The following NSD1 variants were observed in gnomAD, a reference collection of about 807,000 sequenced individuals.
The protein encoded by NSD1 is histone-lysine N-methyltransferase, H3 lysine-36 specific.
A neutral mutation model predicts 242.7 loss-of-function variants in NSD1; 26 were observed. The observed-to-expected ratio is 0.11, with a 90% CI of 0.08 to 0.15. The LOEUF (loss-of-function observed/expected upper bound fraction) is 0.15. Among genes scored for constraint, NSD1 ranks in the 10% least tolerant of loss-of-function variants. The pLI, the probability that NSD1 is intolerant of heterozygous loss-of-function variation, is 1.00. For synonymous variants in NSD1, 1,106 were observed against 1,178.1 expected, an observed-to-expected ratio of 0.94 and a Z score of 1.25; for missense variants, 2,495 against 3,272.8, an observed-to-expected ratio of 0.76 and a Z score of 5.80.
At chr5:177,195,793 A>G (rs1426059954) in intron 3 of NSD1, among the ~76,000 whole-genome samples, 3 of 152,280 alleles carry the variant, frequency 2.0e-5, no homozygotes, top group Non-Finnish European at 2.9e-5. Flanking sequence ...TCTTATGCAT[A>G]CTAGTTGAGT....
chr5:177,259,032 G>A lies in NSD1; in HGVS notation c.4967-957G>A, dbSNP rs145110321. 7.9e-3 allele frequency among the ~76,000 whole-genome samples: 1,201 copies of A among 151,314 alleles called. 19 individuals carry two copies. The highest frequency in any genetic ancestry group is 0.025 in the African/African-American group (1,013 of 41,142). On this transcript the variant is annotated intron_variant, in intron 13 of 22. Transcript: ENST00000439151. ...ATATTTTTAGTATAGACGGGGTTTCGCCATGTTGGCCAGACTGTTCTGGAA... is the reference window on the plus strand; with the variant it reads ...ATATTTTTAGTATAGACGGGGTTTCACCATGTTGGCCAGACTGTTCTGGAA...
At chr5:177,150,290 C>T (rs1380560228) in intron 2 of NSD1, among the ~76,000 whole-genome samples, 1 of 152,042 alleles carries the variant, frequency 6.6e-6, no homozygotes, top group African/African-American at 2.4e-5. Flanking sequence ...CCCGCCACGA[C>T]GCCTGGCTTT....
upstream of NSD1, chr5:177,133,084 G>A (rs1449765167): frequency 6.5e-6 from 1 of 153,206 alleles, no homozygotes; most frequent in African/African-American, 2.4e-5. This position sits in a 1 kb window ranked among gnomAD's most constrained non-coding sequence, Gnocchi z 6.2. Context: ...GGTGCGGCCG[G>A]GTAGGGGGTT....
At chr5:177,154,560 A>G (rs1331161045) in intron 2 of NSD1, among the ~76,000 whole-genome samples, 1 of 152,098 alleles carries the variant, frequency 6.6e-6, no homozygotes, top group Admixed American at 6.6e-5. Flanking sequence ...ACGCACCTCC[A>G]ATTCTTGTGC....
chr5:177,195,684 G>T (rs1456620751), intron 3 of NSD1, among the ~76,000 whole-genome samples: 1 of 152,064 alleles, frequency 6.6e-6, no homozygotes, highest in East Asian at 1.9e-4. Flanking sequence ...GCCCAGGCTG[G>T]TCTGAAACTC....
At chr5:177,285,582 A>AG (rs1301170707) in intron 20 of NSD1, among the ~76,000 whole-genome samples, 1 of 149,598 alleles carries the variant, frequency 6.7e-6, no homozygotes, top group African/African-American at 2.5e-5. Flanking sequence ...AAAAAAAAAA[A>AG]AAAAATTTGT....
intron 2 of NSD1, among the ~76,000 whole-genome samples, chr5:177,142,295 C>T (rs1756889729): frequency 6.6e-6 from 1 of 151,712 alleles, no homozygotes. Flanking sequence ...CAGGCACTGC[C>T]AGTATAATAA....
At chr5:177,234,494 A>G (rs995679577) in intron 5 of NSD1, among the ~76,000 whole-genome samples, 2 of 152,222 alleles carry the variant, frequency 1.3e-5, no homozygotes, top group Admixed American at 1.3e-4. Flanking sequence ...AGGCGGGCAG[A>G]TCACTTGAGG....
intron 2 of NSD1, among the ~76,000 whole-genome samples, chr5:177,188,509 A>AT (rs34788039): frequency 0.17 from 25,617 of 152,156 alleles, 2,542 homozygotes; most frequent in East Asian, 0.51. Flanking sequence ...TGTACCATCA[A>AT]TTAATGAAAC....
chr5:177,247,842 G>C, intron 10 of NSD1: 3 of 815,342 alleles, frequency 3.7e-6, no homozygotes, highest in Non-Finnish European at 4.4e-6. Flanking sequence ...GAATGCCCAA[G>C]AGGGGCATTA....
At chr5:177,148,888 G>C (rs1447497193) in intron 2 of NSD1, among the ~76,000 whole-genome samples, 1 of 152,128 alleles carries the variant, frequency 6.6e-6, no homozygotes, top group Non-Finnish European at 1.5e-5. Flanking sequence ...GCACGATCTC[G>C]GCTCACTGCA....
intron 2 of NSD1, among the ~76,000 whole-genome samples, chr5:177,139,405 C>G (rs1366521258): frequency 6.7e-6 from 1 of 148,370 alleles, no homozygotes; most frequent in Non-Finnish European, 1.5e-5. Context: ...GAGATTGTGC[C>G]ACTGCACTCC....
intron 11 of NSD1, among the ~76,000 whole-genome samples, chr5:177,248,607 T>G (rs1766485260): frequency 6.6e-6 from 1 of 152,222 alleles, no homozygotes; most frequent in Admixed American, 6.5e-5. Flanking sequence ...GGTTGCTTAT[T>G]CAAATATAAT....
At chr5:177,160,312 G>GT (rs926283311) in intron 2 of NSD1, among the ~76,000 whole-genome samples, 6 of 151,140 alleles carry the variant, frequency 4.0e-5, no homozygotes, top group Non-Finnish European at 7.4e-5. Flanking sequence ...CTTTTCTTTT[G>GT]TTTTTTGTTT....
At position 177,238,104 on chromosome 5, in the gene NSD1, A is replaced by G. The variant is rs1765597623; in HGVS notation, c.3922-133A>G. The G allele has an allele frequency of 5.3e-6, 5 of 948,736 alleles. No homozygotes were observed. The highest frequency in any genetic ancestry group is 8.5e-6 in the Non-Finnish European group (5 of 586,486). The allele number at this position is 948,736 out of a possible 1,614,324, so 58.8% of individuals were successfully genotyped here. ...TTAAGTAATTTCCCTTAGCATACATAATGTCTTCAAGGTTCATCCACTTTT... is the reference window on the plus strand; with the variant it reads ...TTAAGTAATTTCCCTTAGCATACATGATGTCTTCAAGGTTCATCCACTTTT... On this transcript the variant is annotated intron_variant, in intron 6 of 22. Coordinates refer to ENST00000439151, the MANE Select transcript of NSD1 (RefSeq NM_022455.5). The surrounding 1 kb of genome is among the most constrained non-coding windows in gnomAD (Gnocchi z 4.6).
At chr5:177,166,597 A>AT (rs1198461127) in intron 2 of NSD1, among the ~76,000 whole-genome samples, 4 of 150,934 alleles carry the variant, frequency 2.7e-5, no homozygotes, top group South Asian at 2.1e-4. Flanking sequence ...AACTTCACCT[A>AT]TTTTTTTTGT....
At chr5:177,200,938 A>G (rs930071138) in intron 3 of NSD1, among the ~76,000 whole-genome samples, 5 of 150,936 alleles carry the variant, frequency 3.3e-5, no homozygotes, top group Admixed American at 6.6e-5. Flanking sequence ...CTTGTTGCTC[A>G]GGCTGGAGTG....
chr5:177,288,934 CT>C lies in NSD1; in HGVS notation c.6258+11del. 1 of 1,593,528 alleles carries C rather than the reference CT, an allele frequency of 6.3e-7. No homozygotes were observed. Among genetic ancestry groups the C allele is most frequent in the Non-Finnish European group, 8.6e-7 (1 of 1,161,290 alleles). ...TGGGTGTAAGGCCAAAGGTACCACCCTTCTAGACTTCTGCTTTGGGATTAGT... is the reference window on the plus strand; with the variant it reads ...TGGGTGTAAGGCCAAAGGTACCACCCTCTAGACTTCTGCTTTGGGATTAGT... On this transcript the variant is annotated intron_variant, in intron 21 of 22. Transcript: ENST00000439151.
At chr5:177,292,952 G>A (rs964034432) in intron 22 of NSD1, among the ~76,000 whole-genome samples, 2 of 152,192 alleles carry the variant, frequency 1.3e-5, no homozygotes, top group Admixed American at 1.3e-4. Context: ...GAACTTTAGG[G>A]TATAAGTAAA....
Sources: gnomAD v4.1 joint callset for allele counts (sites outside exome capture counted in the v4.1 genomes callset) on GRCh38, gnomAD v4.1.1 for gene constraint, Gnocchi (gnomAD v3.1) non-coding constraint, MANE v1.5 for transcripts, NCBI Gene and HGNC (gene_info 2026-07-23, HGNC 2026-07-21) for gene names.